IGSF22: variants seen among roughly 807,000 people sequenced by gnomAD.
IGSF22 encodes the protein immunoglobulin superfamily member 22, also known as immunoglobulin superfamily, member 22.
IGSF22 carries 119 observed loss-of-function variants against 127.0 expected under a neutral mutation model. That is an observed-to-expected ratio of 0.94 (90% CI 0.81 to 1.09). The LOEUF (loss-of-function observed/expected upper bound fraction) is 1.09, where lower values mean the gene tolerates loss of function less well. IGSF22 is among the 50% of genes least tolerant of loss of function. The pLI is 0.00. For missense variants in IGSF22, 1,518 were observed against 1,716.6 expected, an observed-to-expected ratio of 0.88 and a Z score of 2.04; for synonymous variants, 568 against 664.7, an observed-to-expected ratio of 0.85 and a Z score of 2.24.
At chr11:18,708,742 C>T (rs570081514) in intron 18 of IGSF22, among the ~76,000 whole-genome samples, 6 of 152,132 alleles carry the variant, frequency 3.9e-5, no homozygotes, top group Admixed American at 2.0e-4. Flanking sequence ...ATCACCTTTG[C>T]GAAGCTAATG....
In IGSF22 at chr11:18,716,794, TGA is replaced by T. The variant is rs755418284; in HGVS notation, c.1178_1179del (p.Leu393GlnfsTer2). The stretch of plus-strand genomic sequence containing the variant: ...TCAGCAGAGAACTCGCCGCTGTCAC[TGA>T]GTCTGGCATCCTTAATCTTAAGCGT... ...THTLKIKDAR[L>X]SDSGEFSAEA... On this transcript the variant is annotated frameshift_variant, in exon 10 of 23. Transcript: ENST00000513874. LOFTEE classifies it high-confidence loss of function. The surrounding 1 kb of genome is among the most constrained non-coding windows in gnomAD (Gnocchi z 4.5). 1 of 1,614,234 alleles carries T rather than the reference TGA, an allele frequency of 6.2e-7. No homozygotes were observed. Among genetic ancestry groups the T allele is most frequent in the South Asian group, 1.1e-5 (1 of 91,088 alleles).
rs1236265836 is a variant in IGSF22 at position 18,722,181 on chromosome 11, G to A, written c.110-140C>T. 7 of 974,066 alleles carry A rather than the reference G, an allele frequency of 7.2e-6. No homozygotes were observed. In the African/African-American group the frequency reaches 1.1e-4, roughly 16 times the overall value. 60.3% of individuals were successfully genotyped at this position (974,066 alleles called of 1,614,324 possible). A position where few individuals can be genotyped will look rare whatever the true frequency, so the allele number is the denominator to read the frequency against. On this transcript the variant is annotated intron_variant, in intron 2 of 22. Transcript: ENST00000513874. ...AAGTGGGAGCAGGACCAGCTACATG[G>A]GGAGAAAGCAGGGTGAGTCGATGGG...
intron 20 of IGSF22, among the ~76,000 whole-genome samples, 197 bp downstream of exon 20, chr11:18,707,607 C>T (rs1848265937): frequency 6.6e-6 from 1 of 152,154 alleles, no homozygotes; most frequent in South Asian, 2.1e-4. Context: ...CCATTTGTCC[C>T]TCCTGCCCCT....
Position 18,712,368 on chromosome 11 carries a change from T to G in IGSF22, c.2112A>C (p.Pro704=), listed in dbSNP as rs1461379975. Residue 704 remains proline, a synonymous_variant, in exon 15 of 23, where the codon CCA becomes CCC. Transcript: ENST00000513874. ...HLSVLDRPKP[P]QGRVEFLELS... Reference sequence around the variant, plus strand: ...GCTCCAGGAACTCCACCCGGCCCTGTGGAGGCTTTGGACGGTCTGGGGACA... The same window carrying G: ...GCTCCAGGAACTCCACCCGGCCCTGGGGAGGCTTTGGACGGTCTGGGGACA... The G allele has an allele frequency of 3.9e-6, 6 of 1,550,998 alleles. No homozygotes were observed. In the South Asian group the frequency reaches 4.8e-5, roughly 12 times the overall value.
At chr11:18,715,231 A>G (rs76314559) in intron 11 of IGSF22, among the ~76,000 whole-genome samples, 1,589 of 151,966 alleles carry the variant, frequency 0.01, 24 homozygotes, top group East Asian at 0.07. Flanking sequence ...ATCAGTGTCT[A>G]GGAGGTATAA....
intron 21 of IGSF22, 98 bp downstream of exon 21, chr11:18,706,816 A>T: frequency 1.1e-6 from 1 of 945,572 alleles, no homozygotes; most frequent in Non-Finnish European, 1.5e-6. Context: ...AATGGTTTTC[A>T]GATTTTATCT....
Position 18,716,605 on chromosome 11 carries a change from T to C in IGSF22, c.1246+123A>G. On this transcript the variant is annotated intron_variant, in intron 10 of 22. Transcript: ENST00000513874. This position sits in a 1 kb window ranked among gnomAD's most constrained non-coding sequence, Gnocchi z 4.5. Reference sequence around the variant, plus strand: ...AGAGGAGATCCCCCTGTCTTTCCAGTACCTACCACAGGGCTTTGCAAAAAG... The same window carrying C: ...AGAGGAGATCCCCCTGTCTTTCCAGCACCTACCACAGGGCTTTGCAAAAAG... 1 of 976,742 alleles carries C rather than the reference T, an allele frequency of 1.0e-6. No individual in the cohort carries two copies. The highest frequency in any genetic ancestry group is 1.6e-6 in the Non-Finnish European group (1 of 643,696). The allele number at this position is 976,742 out of a possible 1,614,324, so 60.5% of individuals were successfully genotyped here.
chr11:18,721,842 C>G (rs901970878), intron 3 of IGSF22, 68 bp downstream of exon 3: 1 of 1,597,928 alleles, frequency 6.3e-7, no homozygotes, highest in African/African-American at 1.3e-5. Flanking sequence ...TGGGGTAGGA[C>G]GGAGGGTGGG....
At chr11:18,717,840 T>G in intron 9 of IGSF22, 91 bp downstream of exon 9, 1 of 1,414,652 alleles carries the variant, frequency 7.1e-7, no homozygotes, top group Non-Finnish European at 9.8e-7. Context: ...CATAGTCCTC[T>G]CTTCAATATC....
At position 18,706,133 on chromosome 11, in the gene IGSF22, G is replaced by A. The variant is rs754547072; in HGVS notation, c.3594C>T (p.Ser1198=). The stretch of plus-strand genomic sequence containing the variant: ...TCTTCTCGTAGGGCTTGAGCTTGGC[G>A]CTCAGGTCCTGGACTGCGCGGGCGG... ...LINKDQIQDL[S]AKLKPYEKKD... The change falls in exon 22 of 23, where the codon AGC becomes AGT. Residue 1198 remains serine (S), a synonymous_variant. Coordinates refer to ENST00000513874, the MANE Select transcript of IGSF22 (RefSeq NM_173588.4). 1.3e-6 allele frequency: 2 copies of A among 1,541,732 alleles called. No homozygotes were observed. Among genetic ancestry groups the A allele is most frequent in the South Asian group, 2.4e-5 (2 of 83,984 alleles).
rs758818664 is a variant in IGSF22 at position 18,715,710 on chromosome 11, G to A, written c.1253C>T (p.Pro418Leu). The A allele has an allele frequency of 6.2e-7, 1 of 1,609,700 alleles. No individual in the cohort carries two copies. Among genetic ancestry groups the A allele is most frequent in the Admixed American group, 1.7e-5 (1 of 59,988 alleles). Residue 418 changes from proline (P) to leucine (L), a missense_variant, in exon 11 of 23, where the codon CCC (proline) becomes CTC (leucine). Pro to Leu is a moderately conservative substitution (Grantham distance 98). Coordinates refer to ENST00000513874, the MANE Select transcript of IGSF22 (RefSeq NM_173588.4). ...QKAQLTVDRI[P>L]IKFVSNLKNV... ...TTTGAGGTTGCTCACAAACTTGATG[G>A]GGATGCCTGTGGACAGACAGACACT...
chr11:18,724,040 A>G, intron 2 of IGSF22, 88 bp downstream of exon 2: 1 of 988,046 alleles, frequency 1.0e-6, no homozygotes. Flanking sequence ...GGGGCCCATT[A>G]GTGGCAAAAC....
At position 18,707,258 on chromosome 11, in the gene IGSF22, G is replaced by A. The variant is rs1160738254; in HGVS notation, c.3281-45C>T. ...TGTCAGCGACCTTGGGGCACCTGAA[G>A]TATTATGTCCCCACCCCAGCCATCT... On this transcript the variant is annotated intron_variant, in intron 20 of 22. Coordinates refer to ENST00000513874, the MANE Select transcript of IGSF22 (RefSeq NM_173588.4). The A allele has an allele frequency of 1.8e-5, 26 of 1,467,922 alleles. No homozygotes were observed. The East Asian group carries it at 5.0e-4, about 28-fold the overall frequency. 90.9% of individuals were successfully genotyped at this position (1,467,922 alleles called of 1,614,324 possible).
rs535676110 is a variant in IGSF22, at chr11:18,716,257, A to G, written c.1246+471T>C. 3.9e-4 allele frequency among the ~76,000 whole-genome samples: 60 copies of G among 152,274 alleles called. No homozygotes were observed. Among genetic ancestry groups the G allele is most frequent in the African/African-American group, 1.4e-3 (58 of 41,540 alleles). On this transcript the variant is annotated intron_variant, in intron 10 of 22. Coordinates refer to ENST00000513874, the MANE Select transcript of IGSF22 (RefSeq NM_173588.4). This position sits in a 1 kb window ranked among gnomAD's most constrained non-coding sequence, Gnocchi z 4.5. The stretch of plus-strand genomic sequence containing the variant: ...GGTGATGCCTTTTCTTTGGTCTTCT[A>G]CAGCCCTTGTGTCTCCCTCCATCAC...
chr11:18,720,622 C>G (rs1275608345), intron 4 of IGSF22, among the ~76,000 whole-genome samples: 1 of 152,200 alleles, frequency 6.6e-6, no homozygotes, highest in Non-Finnish European at 1.5e-5. Flanking sequence ...TCATTTAATA[C>G]AATTTACTCC....
rs764879150 is a variant in IGSF22 at position 18,721,885 on chromosome 11, C to G, written c.241+25G>C. ...GATTAGAAAGCGAAGCACTGGAGCC[C>G]GGTGAGCCACAGGCAGCAACACACC... is the stretch of plus-strand genomic sequence containing the variant. On this transcript the variant is annotated intron_variant, in intron 3 of 22. Coordinates refer to ENST00000513874, the MANE Select transcript of IGSF22 (RefSeq NM_173588.4). The G allele has an allele frequency of 7.5e-6, 12 of 1,610,724 alleles. No individual in the cohort carries two copies. In the East Asian group the frequency reaches 2.2e-4, roughly 30 times the overall value.
In IGSF22 at chr11:18,720,343, T is replaced by C. The variant is rs768473645; in HGVS notation, c.379-58A>G. The C allele has an allele frequency of 3.5e-6, 5 of 1,430,364 alleles. No individual in the cohort carries two copies. The East Asian group carries it at 1.1e-4, about 33-fold the overall frequency. 88.6% of individuals were successfully genotyped at this position (1,430,364 alleles called of 1,614,324 possible). ...GAAAAGGAACCACAGGGAGACTTTCTGTCAGATAAGGTAGGAGGCCTTTTT... is the reference window on the plus strand; with the variant it reads ...GAAAAGGAACCACAGGGAGACTTTCCGTCAGATAAGGTAGGAGGCCTTTTT... On this transcript the variant is annotated intron_variant, in intron 4 of 22. Transcript: ENST00000513874.
rs1344055401 is a variant in IGSF22 at position 18,707,166 on chromosome 11, TG to T, written c.3327del (p.Asn1110ThrfsTer3). 2 of 1,548,648 alleles carry T rather than the reference TG, an allele frequency of 1.3e-6. No individual in the cohort carries two copies. The highest frequency in any genetic ancestry group is 2.0e-5 in the Admixed American group (1 of 50,574). ...TGGTTCCAGGTCAGAGTCACTGTGT[TG>T]GGGACTTCCTCAAACAACCGTAGGT... Reference protein sequence around the residue: ...PTNLRLFEEVPNTVTLTWNHS... With the variant: ...PTNLRLFEEVXNTVTLTWNHS... On this transcript the variant is annotated frameshift_variant, in exon 21 of 23. Transcript: ENST00000513874. LOFTEE classifies it high-confidence loss of function.
intron 12 of IGSF22, 30 bp downstream of exon 12, chr11:18,714,470 T>A (rs765454699): frequency 6.2e-7 from 1 of 1,614,142 alleles, no homozygotes; most frequent in East Asian, 2.2e-5. Flanking sequence ...TCTACCTCCT[T>A]CACCCCCTTC....
Sources: allele counts gnomAD v4.1 joint callset (sites outside exome capture counted in the v4.1 genomes callset), GRCh38; gene constraint gnomAD v4.1.1; non-coding constraint Gnocchi (gnomAD v3.1); transcripts MANE v1.5; gene names NCBI Gene and HGNC (gene_info 2026-07-23, HGNC 2026-07-21).